ROBO2: variants seen among roughly 807,000 people sequenced by gnomAD.
ROBO2 encodes roundabout homolog 2.
ROBO2 carries 53 observed loss-of-function variants against 160.8 expected under a neutral mutation model. That is an observed-to-expected ratio of 0.33 (90% CI 0.26 to 0.41). The LOEUF is 0.41. Ranked by LOEUF, ROBO2 falls within the 10% of genes least tolerant of loss-of-function variation. The pLI, the probability that ROBO2 is intolerant of heterozygous loss-of-function variation, is 1.00. For synonymous variants in ROBO2, 664 were observed against 611.7 expected (o/e 1.09, Z -1.26); for missense variants, 1,577 against 1,722.4 (o/e 0.92, Z 1.49).
At chr3:77,241,886 G>A (rs983423141) in intron 2 of ROBO2, among the ~76,000 whole-genome samples, 3 of 152,136 alleles carry the variant, frequency 2.0e-5, no homozygotes, top group Non-Finnish European at 4.4e-5. Context: ...AGTGCATAAA[G>A]GAATCAAAAG....
At chr3:77,160,354 T>G (rs1262848986) in intron 2 of ROBO2, among the ~76,000 whole-genome samples, 1 of 152,178 alleles carries the variant, frequency 6.6e-6, no homozygotes, top group Non-Finnish European at 1.5e-5. Context: ...TTTATAAAGT[T>G]TTTTTGGAAA....
intron 2 of ROBO2, among the ~76,000 whole-genome samples, chr3:77,200,270 TATATATATATATATA>T (rs2082733265): frequency 2.1e-4 from 2 of 9,470 alleles, no homozygotes; most frequent in African/African-American, 1.5e-3. Flanking sequence ...ACATATTTTA[TATATATATATATATA>T]TATATATATA....
At chr3:76,504,427 A>G (rs764270972) in intron 2 of ROBO2, among the ~76,000 whole-genome samples, 2 of 151,896 alleles carry the variant, frequency 1.3e-5, no homozygotes, top group African/African-American at 2.4e-5. Context: ...TGAGAGGGAC[A>G]GTTCTAGTAA....
rs1354488575 is a variant in ROBO2 at position 77,588,941 on chromosome 3, A to G, written c.2683+8A>G. 1 of 1,612,366 alleles carries G rather than the reference A, an allele frequency of 6.2e-7. No homozygotes were observed. Among genetic ancestry groups the G allele is most frequent in the African/African-American group, 1.3e-5 (1 of 74,876 alleles). ...GACTCAGTAATTATGCTGGTAAGTG[A>G]CTATTTCCAGCTAAGAAAATCTCTT... On this transcript the variant is annotated splice_region_variant and intron_variant, in intron 17 of 25. Transcript: ENST00000461745.
chr3:76,731,208 C>T (rs1049615258), intron 2 of ROBO2, among the ~76,000 whole-genome samples: 1 of 152,156 alleles, frequency 6.6e-6, no homozygotes, highest in Admixed American at 6.5e-5. Flanking sequence ...AACATGACAA[C>T]ATTATAATTC....
chr3:77,197,822 C>A (rs2082445048), intron 2 of ROBO2, among the ~76,000 whole-genome samples: 1 of 152,120 alleles, frequency 6.6e-6, no homozygotes. Flanking sequence ...TGTGGCCAGT[C>A]TAGTTACATG....
chr3:76,394,449 C>T (rs1268800916), intron 2 of ROBO2, among the ~76,000 whole-genome samples: 2 of 152,074 alleles, frequency 1.3e-5, no homozygotes, highest in African/African-American at 4.8e-5. Context: ...GAATATCGGC[C>T]CCCACTCTCT....
In ROBO2 at chr3:76,356,666, GA is replaced by G. The variant is rs544225306; in HGVS notation, c.109+419070del. On this transcript the variant is annotated intron_variant, in intron 2 of 26. Transcript: ENST00000487694. ...AAGCCAAAAATTGACAGAAAAAAAG[GA>G]AAAAATGGACATATCTACCGTCATA... Among the ~76,000 whole-genome samples the G allele has an allele frequency of 5.5e-3, 836 of 151,628 alleles. 6 individuals carry two copies. Among genetic ancestry groups the G allele is most frequent in the Non-Finnish European group, 9.1e-3 (617 of 67,700 alleles).
At chr3:76,866,924 G>T (rs2071432699) in intron 2 of ROBO2, among the ~76,000 whole-genome samples, 1 of 152,074 alleles carries the variant, frequency 6.6e-6, no homozygotes, top group African/African-American at 2.4e-5. Flanking sequence ...CTCATTTAAT[G>T]AACTATATGT....
intron 2 of ROBO2, among the ~76,000 whole-genome samples, chr3:76,521,100 G>A (rs1405820635): frequency 7.0e-6 from 1 of 142,070 alleles, no homozygotes; most frequent in African/African-American, 2.6e-5. Context: ...TCAGGCTGGA[G>A]TGCAGCGGTG....
At chr3:76,738,840 GTT>G (rs10707050) in intron 2 of ROBO2, among the ~76,000 whole-genome samples, 1 of 151,540 alleles carries the variant, frequency 6.6e-6, no homozygotes, top group African/African-American at 2.4e-5. Context: ...TCTCTTGATT[GTT>G]TTTTTTTCTT....
chr3:75,979,555 C>T lies in ROBO2; in HGVS notation c.109+41953C>T, dbSNP rs561444355. On this transcript the variant is annotated intron_variant, in intron 2 of 26. Transcript: ENST00000487694. ...AACCTATTGGGAGCACATGGAAATT[C>T]TCTTCTGGCACATAATTTTTAGAGT... 2.0e-5 allele frequency among the ~76,000 whole-genome samples: 3 copies of T among 151,476 alleles called. No homozygotes were observed. The East Asian group carries it at 5.9e-4, about 30-fold the overall frequency.
At chr3:76,658,867 T>C (rs1464795840) in intron 2 of ROBO2, among the ~76,000 whole-genome samples, 1 of 152,224 alleles carries the variant, frequency 6.6e-6, no homozygotes, top group Non-Finnish European at 1.5e-5. Flanking sequence ...GTCTCATTCA[T>C]TTAGCTGAAT....
intron 2 of ROBO2, among the ~76,000 whole-genome samples, chr3:76,467,466 T>G (rs1160879270): frequency 6.6e-6 from 1 of 152,078 alleles, no homozygotes; most frequent in Non-Finnish European, 1.5e-5. Flanking sequence ...TCACCAAATA[T>G]TTTATGTGTT....
chr3:77,599,827 C>T (rs769792629), intron 19 of ROBO2, among the ~76,000 whole-genome samples: 6 of 152,108 alleles, frequency 3.9e-5, no homozygotes, highest in Non-Finnish European at 7.4e-5. Flanking sequence ...CAAGTGCTTA[C>T]TCTCTTCAAA....
intron 2 of ROBO2, among the ~76,000 whole-genome samples, chr3:77,164,483 G>A (rs1205600173): frequency 1.8e-4 from 24 of 135,522 alleles, no homozygotes; most frequent in Non-Finnish European, 3.4e-4. Flanking sequence ...CCGGGAGGGA[G>A]GTGGGGGGGT....
chr3:77,543,427 A>G (rs528420531), intron 6 of ROBO2, among the ~76,000 whole-genome samples: 1 of 152,314 alleles, frequency 6.6e-6, no homozygotes, highest in East Asian at 1.9e-4. Context: ...AGAAAAGTGG[A>G]TGCATAGATG....
At chr3:76,918,701 AAT>A (rs2076478540) in intron 2 of ROBO2, among the ~76,000 whole-genome samples, 1 of 152,202 alleles carries the variant, frequency 6.6e-6, no homozygotes, top group African/African-American at 2.4e-5. Context: ...CAGTCAGCAT[AAT>A]TGAAAGTCAT....
At chr3:77,490,999 T>G (rs1348585222) in intron 4 of ROBO2, among the ~76,000 whole-genome samples, 4 of 152,230 alleles carry the variant, frequency 2.6e-5, no homozygotes, top group Admixed American at 2.6e-4. Context: ...AACAAGTTGC[T>G]TACTTGCTTA....
Sources: gnomAD v4.1 joint callset for allele counts (sites outside exome capture counted in the v4.1 genomes callset) on GRCh38, gnomAD v4.1.1 for gene constraint, MANE v1.5 for transcripts, NCBI Gene and HGNC (gene_info 2026-07-23, HGNC 2026-07-21) for gene names.